The following NAALADL2 variants were observed in gnomAD, a reference collection of about 807,000 sequenced individuals.
NAALADL2 encodes N-acetylated alpha-linked acidic dipeptidase like 2.
In NAALADL2, 76 loss-of-function variants were observed where a neutral mutation model predicts 87.2. The observed-to-expected ratio is 0.87, with a 90% confidence interval of 0.72 to 1.05. NAALADL2 has a LOEUF of 1.05. Ranked by LOEUF, NAALADL2 falls within the 50% of genes least tolerant of loss-of-function variation. The probability of loss-of-function intolerance (pLI) is 0.00; values close to 1 mark genes in which losing one functional copy is unlikely to be tolerated. For missense variants in NAALADL2, 1,089 were observed against 945.8 expected, an observed-to-expected ratio of 1.15 and a Z score of -1.99; for synonymous variants, 354 against 331.0, an observed-to-expected ratio of 1.07 and a Z score of -0.75.
chr3:175,585,266 C>T (rs1344754859), intron 10 of NAALADL2, among the ~76,000 whole-genome samples: 3 of 152,106 alleles, frequency 2.0e-5, no homozygotes, highest in African/African-American at 7.2e-5. Context: ...AGGAACTTTT[C>T]AGTATCATTG....
intron 11 of NAALADL2, among the ~76,000 whole-genome samples, chr3:175,684,204 G>A (rs911108803): frequency 6.6e-6 from 1 of 151,716 alleles, no homozygotes; most frequent in Non-Finnish European, 1.5e-5. Context: ...ACAAAAATAT[G>A]CCATGCTGTC....
intron 9 of NAALADL2, among the ~76,000 whole-genome samples, chr3:175,480,820 C>T (rs1034251661): frequency 4.0e-5 from 6 of 151,850 alleles, no homozygotes; most frequent in Admixed American, 6.6e-5. Flanking sequence ...GACATTTTCA[C>T]TTTAACCTAG....
At chr3:175,561,101 A>G (rs1333256080) in intron 9 of NAALADL2, among the ~76,000 whole-genome samples, 1 of 152,220 alleles carries the variant, frequency 6.6e-6, no homozygotes, top group Admixed American at 6.5e-5. Context: ...TTATAAATTT[A>G]TAGCAAGTTT....
intron 3 of NAALADL2, among the ~76,000 whole-genome samples, chr3:174,830,949 A>G (rs560545215): frequency 6.6e-6 from 1 of 151,134 alleles, no homozygotes; most frequent in Non-Finnish European, 1.5e-5. Flanking sequence ...ATTTTTGTAC[A>G]TTGATTTTGT....
intron 1 of NAALADL2, among the ~76,000 whole-genome samples, chr3:174,868,881 T>C (rs910690248): frequency 6.6e-6 from 1 of 152,092 alleles, no homozygotes; most frequent in Non-Finnish European, 1.5e-5. Flanking sequence ...CTTTAGGAGT[T>C]ATTAAGGCAT....
At chr3:175,314,692 A>ATATATATATAGTTCTAAC (rs1553857572) in intron 4 of NAALADL2, among the ~76,000 whole-genome samples, 1 of 68,326 alleles carries the variant, frequency 1.5e-5, no homozygotes, top group African/African-American at 6.0e-5. Flanking sequence ...ATATATATAT[A>ATATATATATAGTTCTAAC]TATATATATA....
At chr3:174,689,877 A>G (rs1317147538) in intron 2 of NAALADL2, among the ~76,000 whole-genome samples, 1 of 152,098 alleles carries the variant, frequency 6.6e-6, no homozygotes, top group Non-Finnish European at 1.5e-5. Context: ...TTCATTATTG[A>G]TGCTACTCAC....
intron 2 of NAALADL2, among the ~76,000 whole-genome samples, chr3:175,219,390 T>C (rs1743006932): frequency 6.6e-6 from 1 of 152,184 alleles, no homozygotes; most frequent in African/African-American, 2.4e-5. Context: ...AATTGAGTTT[T>C]CTCATAATTT....
chr3:174,548,085 A>C (rs1711601569), intron 1 of NAALADL2, among the ~76,000 whole-genome samples: 1 of 152,184 alleles, frequency 6.6e-6, no homozygotes, highest in Non-Finnish European at 1.5e-5. Context: ...TGATCTAGAC[A>C]TCTAATTTTA....
chr3:174,986,114 A>C (rs9862818), intron 1 of NAALADL2, among the ~76,000 whole-genome samples: 14,221 of 151,726 alleles, frequency 0.094, 1,553 homozygotes, highest in African/African-American at 0.26. Context: ...AAATCTTAGC[A>C]GGTTATATAT....
chr3:175,138,890 ATAT>A (rs1421973618), intron 2 of NAALADL2, among the ~76,000 whole-genome samples: 2 of 49,548 alleles, frequency 4.0e-5, no homozygotes, highest in Non-Finnish European at 9.8e-5. Flanking sequence ...CTTTTAAAAT[ATAT>A]ATATATATAT....
intron 2 of NAALADL2, among the ~76,000 whole-genome samples, chr3:174,573,565 A>G (rs946909452): frequency 4.6e-5 from 7 of 152,202 alleles, no homozygotes; most frequent in African/African-American, 7.2e-5. Context: ...TGCAGGCTTT[A>G]CAAGTAGCAT....
intron 3 of NAALADL2, among the ~76,000 whole-genome samples, chr3:174,836,212 G>A (rs1227509475): frequency 3.3e-5 from 5 of 152,090 alleles, no homozygotes; most frequent in African/African-American, 9.7e-5. Context: ...TAGTCATTAC[G>A]CAAAGTGAAA....
At chr3:174,465,677 C>A (rs1179086085) in intron 1 of NAALADL2, among the ~76,000 whole-genome samples, 1 of 152,020 alleles carries the variant, frequency 6.6e-6, no homozygotes, top group East Asian at 1.9e-4. Context: ...ATGTTATGTC[C>A]ATTTTCTGAG....
intron 1 of NAALADL2, among the ~76,000 whole-genome samples, chr3:174,918,683 A>T (rs1734740071): frequency 6.6e-6 from 1 of 152,154 alleles, no homozygotes; most frequent in South Asian, 2.1e-4. Flanking sequence ...GAGTGAAAAG[A>T]AGCACAAAAG....
intron 2 of NAALADL2, among the ~76,000 whole-genome samples, chr3:175,135,552 T>C (rs1728990125): frequency 6.6e-6 from 1 of 152,016 alleles, no homozygotes; most frequent in Non-Finnish European, 1.5e-5. Context: ...TCAAATAAAG[T>C]GATTAAAAAT....
At chr3:174,931,984 A>G (rs1393121073) in intron 1 of NAALADL2, among the ~76,000 whole-genome samples, 1 of 152,208 alleles carries the variant, frequency 6.6e-6, no homozygotes, top group African/African-American at 2.4e-5. Flanking sequence ...AACAATTTTT[A>G]TGTGTTTTTA....
intron 1 of NAALADL2, among the ~76,000 whole-genome samples, chr3:174,478,308 G>C (rs1375974692): frequency 1.3e-5 from 2 of 152,074 alleles, no homozygotes; most frequent in Non-Finnish European, 2.9e-5. Context: ...CTTTCACCTA[G>C]TGACAGCCTC....
intron 1 of NAALADL2, among the ~76,000 whole-genome samples, chr3:175,053,939 C>G (rs1017008743): frequency 3.3e-5 from 5 of 152,172 alleles, no homozygotes; most frequent in African/African-American, 1.2e-4. Flanking sequence ...AGTCAAAGTT[C>G]CTGGAAGAGG....
Sources: gnomAD v4.1 joint callset for allele counts (sites outside exome capture counted in the v4.1 genomes callset) on GRCh38, gnomAD v4.1.1 for gene constraint, MANE v1.5 for transcripts, NCBI Gene and HGNC (gene_info 2026-07-23, HGNC 2026-07-21) for gene names.